TTN: variants seen among roughly 807,000 people sequenced by gnomAD.
TTN encodes the protein titin.
Under a neutral mutation model 3,223.0 loss-of-function variants are expected in TTN, and 1,525 were observed. The ratio of observed to expected loss-of-function variants is 0.47; its 90% CI spans 0.45 to 0.49. The LOEUF (loss-of-function observed/expected upper bound fraction) is 0.49. Ranked by LOEUF, TTN falls within the 20% of genes least tolerant of loss-of-function variation. TTN has a pLI of 0.00. For missense variants in TTN, 40,786 were observed against 43,424.0 expected (o/e 0.94, Z 5.40); for synonymous variants, 14,094 against 15,161.0 (o/e 0.93, Z 5.17).
At chr2:178,758,060 T>C (rs2087850039) in intron 44 of TTN, 144 bp from the exon 45 acceptor site, 2 of 888,536 alleles carry the variant, frequency 2.3e-6, no homozygotes, top group South Asian at 2.5e-5. Flanking sequence ...TATGTCACTA[T>C]TGACTCGAAG....
chr2:178,684,693 T>C lies in TTN; in HGVS notation c.32611A>G (p.Lys10871Glu). The C allele has an allele frequency of 6.2e-7, 1 of 1,612,252 alleles. No individual in the cohort carries two copies. Among genetic ancestry groups the C allele is most frequent in the Non-Finnish European group, 8.5e-7 (1 of 1,179,436 alleles). Reference sequence around the variant, plus strand: ...TTGGCTGGGAGAGGTTCTTCCATCTTAATGACTTTTGGAGGAACCTTTTTT... The same window carrying C: ...TTGGCTGGGAGAGGTTCTTCCATCTCAATGACTTTTGGAGGAACCTTTTTT... The part of the protein sequence containing the change: ...PEKKVPPKVI[K>E]MEEPLPAKVT... The change falls in exon 131 of 363, where the codon AAG becomes GAG. Residue 10871 changes from lysine to glutamate, a missense_variant. Coordinates refer to ENST00000589042, the MANE Select transcript of TTN (RefSeq NM_001267550.2).
chr2:178,707,839 AG>A, intron 99 of TTN, 26 bp from the exon 100 acceptor site: 1 of 1,543,410 alleles, frequency 6.5e-7, no homozygotes. Context: ...TATTTTCATG[AG>A]GAACATAAAG....
In TTN at chr2:178,719,206, C is replaced by T. The variant is rs879134005; in HGVS notation, c.24184G>A (p.Val8062Ile). 6.2e-7 allele frequency: 1 copy of T among 1,613,740 alleles called. No homozygotes were observed. Among genetic ancestry groups the T allele is most frequent in the African/African-American group, 1.3e-5 (1 of 75,036 alleles). The change falls in exon 83 of 363, where the codon GTA becomes ATA. Residue 8062 changes from valine to isoleucine, a missense_variant. Physicochemically the swap from Val to Ile is conservative, Grantham distance 29 (BLOSUM62 3). Transcript: ENST00000589042. ...GCTGAGCACTCATCGGAACCAGCTA[C>T]ATTGGCAGCCACACACGTGTATATG... ...TGIYTCVAAN[V>I]AGSDECSAVL... is the part of the protein sequence containing the mutation.
Position 178,586,613 on chromosome 2 carries a change from C to T in TTN, c.64288G>A (p.Gly21430Ser), listed in dbSNP as rs2049038476. 1 of 1,613,142 alleles carries T rather than the reference C, an allele frequency of 6.2e-7. No homozygotes were observed. Among genetic ancestry groups the T allele is most frequent in the South Asian group, 1.1e-5 (1 of 91,064 alleles). ...TTGTATTTCTTTCCTTCCTTTAGGC[C>T]AGTGACAACAAGGCTCAGATCTTTT... ...VVKDLSLVVT[G>S]LKEGKKYKFR... Residue 21430 changes from glycine (G) to serine (S), a missense_variant, in exon 308 of 363, where the codon GGC (glycine) becomes AGC (serine). Gly to Ser is a moderately conservative substitution (Grantham distance 56). Transcript: ENST00000589042.
intron 106 of TTN, 60 bp from the exon 107 acceptor site, chr2:178,702,723 G>T: frequency 6.8e-7 from 1 of 1,472,222 alleles, no homozygotes; most frequent in Non-Finnish European, 9.2e-7. Flanking sequence ...TCTTTTACTT[G>T]CTTTTACCTC....
Position 178,562,658 on chromosome 2 carries a change from A to G in TTN, c.83474T>C (p.Phe27825Ser). ...TITNNCTKTTFRIENLQEGCS... is the reference protein window; with the variant it reads ...TITNNCTKTTSRIENLQEGCS... ...TCCTTCTTGTAGATTTTCAATTCTG[A>G]AAGTAGTTTTAGTGCAATTATTTGT... The change falls in exon 326 of 363, where the codon TTC becomes TCC. Residue 27825 changes from phenylalanine to serine, a missense_variant. By Grantham distance (155) the Phe-to-Ser change is radical. Coordinates refer to ENST00000589042, the MANE Select transcript of TTN (RefSeq NM_001267550.2). 3 of 1,598,506 alleles carry G rather than the reference A, an allele frequency of 1.9e-6. No individual in the cohort carries two copies.
At chr2:178,616,371 G>A in intron 257 of TTN, 108 bp downstream of exon 257, 1 of 1,459,642 alleles carries the variant, frequency 6.9e-7, no homozygotes, top group Non-Finnish European at 9.3e-7. Flanking sequence ...TTTCAGTGAG[G>A]TAAAGGTAAG....
chr2:178,776,877 G>A lies in TTN; in HGVS notation c.4987C>T (p.Pro1663Ser). 6.2e-7 allele frequency: 1 copy of A among 1,613,060 alleles called. No individual in the cohort carries two copies. The highest frequency in any genetic ancestry group is 8.5e-7 in the Non-Finnish European group (1 of 1,179,644). Reference protein sequence around the residue: ...EPEPERKLIIPRGTYRAKEIA... With the variant: ...EPEPERKLIISRGTYRAKEIA... ...TCCTTTGCTCTATATGTCCCCCGTG[G>A]GATGATTAACTTTCTCTCTGGCTCA... Residue 1663 changes from proline to serine, a missense_variant, in exon 28 of 363, where the codon CCA becomes TCA. Physicochemically the swap from Pro to Ser is moderately conservative, Grantham distance 74. Coordinates refer to ENST00000589042, the MANE Select transcript of TTN (RefSeq NM_001267550.2).
Position 178,576,166 on chromosome 2 carries a change from T to C in TTN, c.69966A>G (p.Ala23322=). ...GAATCACCGCTGGCTCCCCAACACC[T>C]GCATCGTTGATGGCACTGATTCTGA... ...YNFRISAIND[A]GVGEPAVIPD... Residue 23322 remains alanine (A), a synonymous_variant, in exon 326 of 363, where the codon GCA becomes GCG. Coordinates refer to ENST00000589042, the MANE Select transcript of TTN (RefSeq NM_001267550.2). This position sits in a 1 kb window ranked among gnomAD's most constrained non-coding sequence, Gnocchi z 4.3. 1 of 1,613,056 alleles carries C rather than the reference T, an allele frequency of 6.2e-7. No homozygotes were observed. The highest frequency in any genetic ancestry group is 8.5e-7 in the Non-Finnish European group (1 of 1,179,400).
At chr2:178,782,764 T>C in intron 18 of TTN, 42 bp downstream of exon 18, 1 of 1,611,822 alleles carries the variant, frequency 6.2e-7, no homozygotes, top group Non-Finnish European at 8.5e-7. Flanking sequence ...CAGATGAAAG[T>C]GATGGCATGT....
intron 112 of TTN, among the ~76,000 whole-genome samples, chr2:178,697,635 G>A (rs1372963188): frequency 1.3e-5 from 2 of 152,158 alleles, no homozygotes; most frequent in African/African-American, 4.8e-5. Context: ...GATGAATGAT[G>A]CCTTGTGTTT....
Position 178,773,563 on chromosome 2 carries a change from G to C in TTN, c.7493C>G (p.Thr2498Ser). 1.2e-6 allele frequency: 2 copies of C among 1,613,998 alleles called. No homozygotes were observed. The highest frequency in any genetic ancestry group is 1.7e-6 in the Non-Finnish European group (2 of 1,179,956). ...TCGGTTAATGACTAGTCGCTGTTTA[G>C]TACCTTTCACAATGGCCTGTACACG... is the stretch of plus-strand genomic sequence containing the variant. ...DDRVQAIVKG[T>S]KQRLVINRTH... The change falls in exon 32 of 363, where the codon ACT becomes AGT. Residue 2498 changes from threonine to serine, a missense_variant. By Grantham distance (58) the Thr-to-Ser change is moderately conservative. Coordinates refer to ENST00000589042, the MANE Select transcript of TTN (RefSeq NM_001267550.2).
chr2:178,682,067 A>G (rs1263176914), intron 135 of TTN, among the ~76,000 whole-genome samples: 1 of 152,038 alleles, frequency 6.6e-6, no homozygotes, highest in Non-Finnish European at 1.5e-5. Context: ...GCTATGAAAC[A>G]TCAGAGACTG....
rs890453511 is a variant in TTN at position 178,800,611 on chromosome 2, G to A, written c.367C>T (p.Leu123Phe). 3 of 1,613,422 alleles carry A rather than the reference G, an allele frequency of 1.9e-6. No individual in the cohort carries two copies. The highest frequency in any genetic ancestry group is 2.5e-6 in the Non-Finnish European group (3 of 1,179,514). The change falls in exon 4 of 363, where the codon CTC (leucine) becomes TTC (phenylalanine). Residue 123 changes from leucine to phenylalanine, a missense_variant. Transcript: ENST00000589042. ...GGGATTCCAGTCACTCTCACTTGGA[G>A]TCTCACTTGGCTTCCTTGTCTCACG... is the stretch of plus-strand genomic sequence containing the variant. Reference protein sequence around the residue: ...MTVRQGSQVRLQVRVTGIPTP... With the variant: ...MTVRQGSQVRFQVRVTGIPTP...
At position 178,720,187 on chromosome 2, in the gene TTN, C is replaced by G. The variant is rs201420077; in HGVS notation, c.23455G>C (p.Glu7819Gln). ...GDAVELRAIV[E>Q]GFQPISVVWL... is the part of the protein sequence containing the mutation. ...ACAACAGAAATTGGCTGGAAGCCCT[C>G]CACTATGGCCCGTAACTCAACAGCA... The change falls in exon 81 of 363, where the codon GAG becomes CAG. Residue 7819 changes from glutamate (E) to glutamine (Q), a missense_variant. By Grantham distance (29) the Glu-to-Gln change is conservative (BLOSUM62 2). Transcript: ENST00000589042. 359 of 1,613,642 alleles carry G rather than the reference C, an allele frequency of 2.2e-4. 1 individual carries two copies. Among genetic ancestry groups the G allele is most frequent in the Non-Finnish European group, 2.7e-4 (320 of 1,179,732 alleles).
At position 178,549,247 on chromosome 2, in the gene TTN, G is replaced by C; in HGVS notation, c.92379C>G (p.Phe30793Leu). 1 of 1,613,886 alleles carries C rather than the reference G, an allele frequency of 6.2e-7. No individual in the cohort carries two copies. Among genetic ancestry groups the C allele is most frequent in the Non-Finnish European group, 8.5e-7 (1 of 1,179,842 alleles). ...CTGCAGCATTTTCAGCCATGACATG[G>C]AATTCATACTCATTGCCTTCTGTCA... ...TGLTEGNEYEFHVMAENAAGV... is the reference protein window; with the variant it reads ...TGLTEGNEYELHVMAENAAGV... Residue 30793 changes from phenylalanine to leucine, a missense_variant, in exon 339 of 363, where the codon TTC (phenylalanine) becomes TTG (leucine). Transcript: ENST00000589042.
At position 178,727,808 on chromosome 2, in the gene TTN, T is replaced by C. The variant is rs775289296; in HGVS notation, c.19770A>G (p.Thr6590=). The C allele has an allele frequency of 5.8e-5, 93 of 1,612,302 alleles. No homozygotes were observed. The highest frequency in any genetic ancestry group is 7.0e-5 in the Non-Finnish European group (83 of 1,179,050). ...CTTTTAGTATTGCCTTAAATTCCAC[T>C]GTAGAATCAGGTATGGCTTGCTGTC... is the stretch of plus-strand genomic sequence containing the variant. ...PGRQQAIPDS[T]VEFKAILKGT... The change falls in exon 68 of 363, where the codon ACA becomes ACG. Residue 6590 remains threonine, a synonymous_variant. Coordinates refer to ENST00000589042, the MANE Select transcript of TTN (RefSeq NM_001267550.2).
intron 47 of TTN, chr2:178,744,682 T>C (rs2083135489): frequency 2.7e-5 from 26 of 972,118 alleles, no homozygotes; most frequent in Non-Finnish European, 3.1e-5. Flanking sequence ...ATTCTAAAAA[T>C]ATCCCACCTT....
intron 356 of TTN, 149 bp downstream of exon 356, chr2:178,536,789 T>A (rs555975116): frequency 1.2e-6 from 1 of 860,558 alleles, no homozygotes; most frequent in Non-Finnish European, 1.7e-6. Flanking sequence ...CTTTTAGATA[T>A]GCAAACATTC....
Sources: gnomAD v4.1 joint callset for allele counts (sites outside exome capture counted in the v4.1 genomes callset) on GRCh38, gnomAD v4.1.1 for gene constraint, Gnocchi (gnomAD v3.1) non-coding constraint, MANE v1.5 for transcripts, NCBI Gene and HGNC (gene_info 2026-07-23, HGNC 2026-07-21) for gene names.